PREP: variants seen among roughly 807,000 people sequenced by gnomAD.
PREP encodes the protein dJ355L5.1 (prolyl endopeptidase).
In PREP, 29 loss-of-function variants were observed where a neutral mutation model predicts 87.6. The observed-to-expected ratio is 0.33, with a 90% CI of 0.25 to 0.45. PREP has a LOEUF of 0.45. PREP is among the 20% of genes least tolerant of loss of function. The probability of loss-of-function intolerance (pLI) is 1.00; values close to 1 mark genes in which losing one functional copy is unlikely to be tolerated. For missense variants in PREP, 695 were observed against 886.5 expected (o/e 0.78, Z 2.74); for synonymous variants, 337 against 328.6 (o/e 1.03, Z -0.28).
chr6:105,396,672 C>T (rs1047537740), intron 2 of PREP, among the ~76,000 whole-genome samples: 8 of 151,766 alleles, frequency 5.3e-5, no homozygotes, highest in Non-Finnish European at 1.2e-4. Context: ...TGAAAAACTA[C>T]CTAGAGTGCC....
intron 12 of PREP, among the ~76,000 whole-genome samples, chr6:105,284,458 C>T (rs1199293523): frequency 6.6e-6 from 1 of 152,120 alleles, no homozygotes; most frequent in Non-Finnish European, 1.5e-5. Flanking sequence ...GAGCCTCAGG[C>T]CTCTGGTTTG....
intron 1 of PREP, among the ~76,000 whole-genome samples, chr6:105,398,349 G>T (rs1773339751): frequency 6.6e-6 from 1 of 152,188 alleles, no homozygotes; most frequent in Non-Finnish European, 1.5e-5. Context: ...CTGTTCCGCT[G>T]AGCTTCCCAA....
intron 10 of PREP, among the ~76,000 whole-genome samples, chr6:105,296,334 TA>T (rs1770410991): frequency 6.6e-6 from 1 of 152,118 alleles, no homozygotes; most frequent in Non-Finnish European, 1.5e-5. Context: ...TGAAGGGTAG[TA>T]ACCTTTTTTC....
rs1769983414 is a variant in PREP at position 105,278,021 on chromosome 6, G to A, written c.*123C>T. ...ATTCCCACGGCAGTTCTGTTCAACT[G>A]TAGCCTGTGAGTGCAGGAATAATGT... On this transcript the variant is annotated 3_prime_UTR_variant, in exon 15 of 15. Coordinates refer to ENST00000652536, the MANE Select transcript of PREP (RefSeq NM_002726.5). This position sits in a 1 kb window ranked among gnomAD's most constrained non-coding sequence, Gnocchi z 4.2. The A allele has an allele frequency of 7.7e-7, 1 of 1,291,500 alleles. No homozygotes were observed. Among genetic ancestry groups the A allele is most frequent in the Non-Finnish European group, 1.1e-6 (1 of 930,466 alleles). The allele number at this position is 1,291,500 out of a possible 1,614,324, so 80.0% of individuals were successfully genotyped here.
chr6:105,285,478 C>T lies in PREP; in HGVS notation c.1549+8G>A. On this transcript the variant is annotated splice_region_variant and intron_variant, in intron 12 of 14. Coordinates refer to ENST00000652536, the MANE Select transcript of PREP (RefSeq NM_002726.5). ...CAGACTTGTGTTTCTGTAGAGAAAACACCTCACCTTTATGCCACGTCTCTC... is the reference window on the plus strand; with the variant it reads ...CAGACTTGTGTTTCTGTAGAGAAAATACCTCACCTTTATGCCACGTCTCTC... 6.2e-7 allele frequency: 1 copy of T among 1,607,230 alleles called. No homozygotes were observed. Among genetic ancestry groups the T allele is most frequent in the Non-Finnish European group, 8.5e-7 (1 of 1,173,824 alleles).
chr6:105,303,999 A>G (rs866944830), intron 10 of PREP, among the ~76,000 whole-genome samples: 3 of 152,240 alleles, frequency 2.0e-5, no homozygotes, highest in Non-Finnish European at 4.4e-5. Flanking sequence ...CACTAGTCTA[A>G]GGGCTTTAAA....
chr6:105,296,187 C>T (rs1770406395), intron 10 of PREP, among the ~76,000 whole-genome samples: 1 of 152,226 alleles, frequency 6.6e-6, no homozygotes, highest in Non-Finnish European at 1.5e-5. Context: ...TAGGCAAACA[C>T]TGCCATTTCC....
Position 105,276,282 on chromosome 6 carries a change from C to T in PREP, c.*1862G>A, listed in dbSNP as rs1278923461. ...AAAACGTATTACTGTATTCCTCCTC[C>T]TCCTCATCAGTTGCTAAGTGACATT... On this transcript the variant is annotated 3_prime_UTR_variant, in exon 15 of 15. Transcript: ENST00000652536. Among the ~76,000 whole-genome samples, 3 of 152,252 alleles carry T rather than the reference C, an allele frequency of 2.0e-5. No homozygotes were observed. Among genetic ancestry groups the T allele is most frequent in the Non-Finnish European group, 4.4e-5 (3 of 68,046 alleles).
At chr6:105,384,662 T>C (rs1455480939) in intron 2 of PREP, among the ~76,000 whole-genome samples, 2 of 152,130 alleles carry the variant, frequency 1.3e-5, no homozygotes, top group Non-Finnish European at 1.5e-5. Flanking sequence ...ATAGTAATAG[T>C]AGTAAACCCA....
intron 8 of PREP, 73 bp downstream of exon 8, chr6:105,333,241 T>C: frequency 7.9e-6 from 11 of 1,395,512 alleles, no homozygotes; most frequent in Non-Finnish European, 9.1e-6. Context: ...CACTAGAGAA[T>C]GAGAGACGCA....
chr6:105,371,573 T>C (rs1021043051), intron 5 of PREP, among the ~76,000 whole-genome samples: 1 of 151,802 alleles, frequency 6.6e-6, no homozygotes, highest in African/African-American at 2.4e-5. Context: ...TAACTCATAT[T>C]TGCTGATTTT....
chr6:105,322,629 C>G, intron 10 of PREP: 1 of 987,614 alleles, frequency 1.0e-6, no homozygotes, highest in Non-Finnish European at 1.2e-6. Context: ...CTGTTGCAAC[C>G]ACTCTAAGTG....
At chr6:105,338,525 A>G (rs1364834201) in intron 7 of PREP, among the ~76,000 whole-genome samples, 1 of 152,236 alleles carries the variant, frequency 6.6e-6, no homozygotes, top group Non-Finnish European at 1.5e-5. Context: ...GTACCGGTTC[A>G]TCTCACTGGG....
chr6:105,371,865 G>A (rs1400009748), intron 5 of PREP, among the ~76,000 whole-genome samples: 1 of 152,130 alleles, frequency 6.6e-6, no homozygotes, highest in Admixed American at 6.6e-5. Flanking sequence ...GCCACTGAAA[G>A]CTGATGGTAA....
intron 7 of PREP, among the ~76,000 whole-genome samples, chr6:105,346,864 G>A (rs1189804851): frequency 6.6e-6 from 1 of 152,254 alleles, no homozygotes. Context: ...ACTTTGGGAA[G>A]CTGAGGCAGA....
intron 7 of PREP, among the ~76,000 whole-genome samples, chr6:105,351,375 T>C (rs1041968781): frequency 1.3e-5 from 2 of 152,142 alleles, no homozygotes; most frequent in Admixed American, 6.5e-5. Flanking sequence ...ATCTAGAATT[T>C]GGTTTTTGAG....
Position 105,275,983 on chromosome 6 carries a change from C to A in PREP, c.*2161G>T, listed in dbSNP as rs1319101574. Among the ~76,000 whole-genome samples the A allele has an allele frequency of 2.0e-5, 3 of 152,204 alleles. No homozygotes were observed. The highest frequency in any genetic ancestry group is 7.2e-5 in the African/African-American group (3 of 41,444). ...TAGGGTGTCTATAGTTTACAATAAT[C>A]TACTGTGCATTTCAAAATAGCTAGA... On this transcript the variant is annotated 3_prime_UTR_variant, in exon 15 of 15. Transcript: ENST00000652536.
At chr6:105,311,162 GCT>G (rs1770753589) in intron 10 of PREP, among the ~76,000 whole-genome samples, 1 of 152,146 alleles carries the variant, frequency 6.6e-6, no homozygotes, top group Non-Finnish European at 1.5e-5. Flanking sequence ...ATGTCCATCT[GCT>G]CTCTCTGCTT....
intron 10 of PREP, among the ~76,000 whole-genome samples, chr6:105,293,765 A>G (rs1194900912): frequency 6.6e-6 from 1 of 152,184 alleles, no homozygotes; most frequent in African/African-American, 2.4e-5. Context: ...ATGGTAATTG[A>G]GACTAAACCT....
Sources: allele counts gnomAD v4.1 joint callset (sites outside exome capture counted in the v4.1 genomes callset), GRCh38; gene constraint gnomAD v4.1.1; non-coding constraint Gnocchi (gnomAD v3.1); transcripts MANE v1.5; gene names NCBI Gene and HGNC (gene_info 2026-07-23, HGNC 2026-07-21).